The following PPP6R2 variants were observed in gnomAD, a reference collection of about 807,000 sequenced individuals.
The protein encoded by PPP6R2 is protein phosphatase 6 regulatory subunit 2, also known as serine/threonine-protein phosphatase 6 regulatory subunit 2.
In PPP6R2, 62 loss-of-function variants were observed where a neutral mutation model predicts 100.2. The ratio of observed to expected loss-of-function variants is 0.62; its 90% confidence interval spans 0.50 to 0.76. The LOEUF (loss-of-function observed/expected upper bound fraction) is 0.76. Ranked by LOEUF, PPP6R2 falls within the 30% of genes least tolerant of loss-of-function variation. PPP6R2 has a pLI of 0.00. For missense variants in PPP6R2, 1,142 were observed against 1,276.3 expected (o/e 0.89, Z 1.60); for synonymous variants, 525 against 514.7 (o/e 1.02, Z -0.27).
At chr22:50,402,741 T>C (rs573854539) in intron 3 of PPP6R2, among the ~76,000 whole-genome samples, 34 of 152,356 alleles carry the variant, frequency 2.2e-4, no homozygotes, top group African/African-American at 7.7e-4. Context: ...TGTGTTTGAC[T>C]GGAATTTCTA....
At chr22:50,435,208 CACCT>C in intron 13 of PPP6R2, 127 bp downstream of exon 13, 1 of 665,662 alleles carries the variant, frequency 1.5e-6, no homozygotes, top group South Asian at 2.1e-5. Flanking sequence ...GACCCATGGC[CACCT>C]CTGTCCTCTC....
intron 22 of PPP6R2, among the ~76,000 whole-genome samples, chr22:50,442,085 T>C (rs2065782867): frequency 1.3e-5 from 2 of 152,154 alleles, no homozygotes; most frequent in Admixed American, 6.5e-5. Context: ...CCTGGCTCCA[T>C]GGTTGTGAAG....
At chr22:50,343,283 C>T (rs1411582945), upstream of PPP6R2, 2 of 150,158 alleles carry the variant, frequency 1.3e-5, no homozygotes, top group Non-Finnish European at 3.0e-5. Context: ...CGTGCGCGCC[C>T]CAAGCGGAGA....
chr22:50,346,538 C>T (rs2043775033), intron 1 of PPP6R2, among the ~76,000 whole-genome samples: 1 of 115,332 alleles, frequency 8.7e-6, no homozygotes, highest in Admixed American at 9.0e-5. Flanking sequence ...TCCTTCTGTT[C>T]CCCCACCCTA....
At chr22:50,352,396 C>CAA (rs112635625) in intron 1 of PPP6R2, among the ~76,000 whole-genome samples, 5 of 152,206 alleles carry the variant, frequency 3.3e-5, no homozygotes, top group African/African-American at 1.2e-4. Context: ...TTACTGTAGA[C>CAA]TATTTAAGTC....
At chr22:50,432,653 G>A (rs987261401) in intron 12 of PPP6R2, among the ~76,000 whole-genome samples, 2 of 152,214 alleles carry the variant, frequency 1.3e-5, no homozygotes, top group East Asian at 1.9e-4. Context: ...CCAGGAACTC[G>A]GGCCCTCCGT....
intron 2 of PPP6R2, among the ~76,000 whole-genome samples, chr22:50,372,465 C>T (rs915873019): frequency 1.3e-5 from 2 of 151,966 alleles, no homozygotes; most frequent in Non-Finnish European, 2.9e-5. Context: ...AGGAGAATCG[C>T]TTGAATCCAG....
intron 2 of PPP6R2, among the ~76,000 whole-genome samples, chr22:50,373,346 A>G (rs891816995): frequency 2.8e-5 from 4 of 143,168 alleles, no homozygotes; most frequent in African/African-American, 1.0e-4. Flanking sequence ...GGTTCATGCC[A>G]TTCTCCTGCC....
intron 2 of PPP6R2, among the ~76,000 whole-genome samples, chr22:50,373,284 C>T (rs1423789491): frequency 2.0e-5 from 3 of 149,246 alleles, no homozygotes; most frequent in Non-Finnish European, 3.0e-5. Flanking sequence ...CTCAGTCGCC[C>T]AGGCTGGAGT....
At chr22:50,427,653 A>C (rs1301745025) in intron 10 of PPP6R2, among the ~76,000 whole-genome samples, 1 of 146,728 alleles carries the variant, frequency 6.8e-6, no homozygotes, top group Admixed American at 6.8e-5. Context: ...CCCGGGTTCA[A>C]ACAAGTCTCC....
intron 10 of PPP6R2, among the ~76,000 whole-genome samples, chr22:50,429,589 T>C (rs1471389820): frequency 2.0e-5 from 3 of 152,230 alleles, no homozygotes; most frequent in Admixed American, 2.0e-4. Context: ...CATTCAGCTT[T>C]GGTATCAGAG....
At position 50,406,888 on chromosome 22, in the gene PPP6R2, C is replaced by T; in HGVS notation, c.414+13C>T. 1 of 1,609,364 alleles carries T rather than the reference C, an allele frequency of 6.2e-7. No homozygotes were observed. Among genetic ancestry groups the T allele is most frequent in the Non-Finnish European group, 8.5e-7 (1 of 1,175,770 alleles). ...AAAAACCGAACAGGTAAATCACGTGCAAAGCCTCCGTGACTTGGGGCACCG... is the reference window on the plus strand; with the variant it reads ...AAAAACCGAACAGGTAAATCACGTGTAAAGCCTCCGTGACTTGGGGCACCG... On this transcript the variant is annotated intron_variant, in intron 4 of 23. Coordinates refer to ENST00000612753, the MANE Select transcript of PPP6R2 (RefSeq NM_001242898.2).
intron 16 of PPP6R2, 119 bp downstream of exon 16, chr22:50,437,722 A>AG (rs552993446): frequency 3.6e-6 from 5 of 1,378,784 alleles, no homozygotes; most frequent in Non-Finnish European, 5.1e-6. Context: ...GGGAGACAGC[A>AG]GGTGTTCCCA....
rs1452320661 is a variant in PPP6R2 at position 50,406,796 on chromosome 22, A to G, written c.335A>G (p.His112Arg). ...AGCCTCCTGTACGACTTCTTGGACC[A>G]TGAGCCGCCTCTCAATCCTCTGCTC... ...LLSLLYDFLDHEPPLNPLLAS... is the reference protein window; with the variant it reads ...LLSLLYDFLDREPPLNPLLAS... Residue 112 changes from histidine (H) to arginine (R), a missense_variant, in exon 4 of 24, where the codon CAT becomes CGT. Transcript: ENST00000612753. 2.5e-6 allele frequency: 4 copies of G among 1,614,178 alleles called. No individual in the cohort carries two copies. The highest frequency in any genetic ancestry group is 1.7e-5 in the Admixed American group (1 of 60,026).
At chr22:50,331,818 C>T in the PPP6R2 span, among the ~76,000 whole-genome samples, 1 of 152,168 alleles carries the variant, frequency 6.6e-6, no homozygotes, top group East Asian at 1.9e-4. Flanking sequence ...GACGGGGTTT[C>T]ACCATATTGG....
intron 2 of PPP6R2, among the ~76,000 whole-genome samples, chr22:50,386,827 A>G (rs1210799511): frequency 1.3e-5 from 2 of 152,074 alleles, no homozygotes; most frequent in Non-Finnish European, 2.9e-5. Flanking sequence ...GAGGGTTGGA[A>G]AAGTTAGGCT....
Position 50,441,019 on chromosome 22 carries a change from G to A in PPP6R2, c.2572G>A (p.Val858Ile). 6.3e-7 allele frequency: 1 copy of A among 1,583,376 alleles called. No homozygotes were observed. The highest frequency in any genetic ancestry group is 8.6e-7 in the Non-Finnish European group (1 of 1,161,360). ...CACAGTGGCCAGGACAGAGGAGGCT[G>A]TCGGCAGGTGTGTGGGGCGTGGCGG... ...LPTVARTEEA[V>I]GRVGCADSRL... Residue 858 changes from valine (V) to isoleucine (I), a missense_variant, in exon 22 of 24, where the codon GTC (valine) becomes ATC (isoleucine). Physicochemically the swap from Val to Ile is conservative, Grantham distance 29. Around this residue, in one of 2 missense-constraint regions of PPP6R2, gnomAD observed 550 missense variants for 517.4 expected, o/e 1.06. Transcript: ENST00000612753.
intron 17 of PPP6R2, 131 bp from the exon 18 acceptor site, chr22:50,438,043 C>A: frequency 6.7e-7 from 1 of 1,490,158 alleles, no homozygotes. Flanking sequence ...CTTTCCTTGC[C>A]CCTCCCCGTC....
At chr22:50,438,059 C>T (rs1422595240) in intron 17 of PPP6R2, 115 bp from the exon 18 acceptor site, 20 of 1,510,900 alleles carry the variant, frequency 1.3e-5, no homozygotes, top group Admixed American at 4.0e-5. Flanking sequence ...CCGTCCTCCC[C>T]TCCAGCCCGG....
Sources: gnomAD v4.1 joint callset for allele counts (sites outside exome capture counted in the v4.1 genomes callset) on GRCh38, gnomAD v4.1.1 for gene constraint, gnomAD v4.1.1 regional missense constraint, MANE v1.5 for transcripts, NCBI Gene and HGNC (gene_info 2026-07-23, HGNC 2026-07-21) for gene names.